Variants in PTPRD observed in about 807,000 individuals in gnomAD.
PTPRD encodes the protein receptor-type tyrosine-protein phosphatase delta.
Under a neutral mutation model 214.5 loss-of-function variants are expected in PTPRD, and 34 were observed. That is an observed-to-expected ratio of 0.16 (90% CI 0.12 to 0.21). The LOEUF (loss-of-function observed/expected upper bound fraction) is 0.21. Among genes scored for constraint, PTPRD ranks in the 10% least tolerant of loss-of-function variants. The probability of loss-of-function intolerance (pLI) is 1.00; values close to 1 mark genes in which losing one functional copy is unlikely to be tolerated. For synonymous variants in PTPRD, 1,128 were observed against 845.7 expected, an observed-to-expected ratio of 1.33 and a Z score of -5.79; for missense variants, 2,545 against 2,398.7, an observed-to-expected ratio of 1.06 and a Z score of -1.27.
intron 2 of PTPRD, among the ~76,000 whole-genome samples, chr9:10,590,702 T>C (rs1157846270): frequency 5.3e-5 from 8 of 151,942 alleles, no homozygotes; most frequent in Non-Finnish European, 1.2e-4. Flanking sequence ...TAATTGCTTA[T>C]TCATTCTCCA....
intron 10 of PTPRD, among the ~76,000 whole-genome samples, chr9:9,082,546 G>A (rs551619065): frequency 1.1e-3 from 168 of 152,228 alleles, no homozygotes; most frequent in Middle Eastern, 0.01. Flanking sequence ...TGGAAGTTCC[G>A]GCCAGGGAAA....
intron 37 of PTPRD, among the ~76,000 whole-genome samples, chr9:8,387,144 A>C (rs1037398556): frequency 6.6e-6 from 1 of 152,234 alleles, no homozygotes; most frequent in Non-Finnish European, 1.5e-5. Flanking sequence ...CATTTAACAA[A>C]GGAGAAAGCT....
At chr9:10,503,616 T>C (rs1197553477) in intron 2 of PTPRD, among the ~76,000 whole-genome samples, 1 of 152,052 alleles carries the variant, frequency 6.6e-6, no homozygotes, top group Non-Finnish European at 1.5e-5. Flanking sequence ...CAGGTACTAT[T>C]GGATATTGGA....
At chr9:8,781,509 G>A (rs761182397) in intron 11 of PTPRD, among the ~76,000 whole-genome samples, 1 of 152,162 alleles carries the variant, frequency 6.6e-6, no homozygotes, top group South Asian at 2.1e-4. Flanking sequence ...TTTAAAGTAA[G>A]AGTACAACTC....
At chr9:10,206,302 A>C (rs1426913021) in intron 3 of PTPRD, among the ~76,000 whole-genome samples, 1 of 152,154 alleles carries the variant, frequency 6.6e-6, no homozygotes, top group African/African-American at 2.4e-5. Context: ...CTAAACCATA[A>C]AGGGTTAGTG....
intron 14 of PTPRD, among the ~76,000 whole-genome samples, chr9:8,576,495 G>C (rs1008646957): frequency 6.6e-6 from 1 of 151,958 alleles, no homozygotes; most frequent in Admixed American, 6.6e-5. Context: ...TAAAACCAAA[G>C]TAAACAAAAT....
chr9:9,378,043 T>C (rs755492104), intron 9 of PTPRD, among the ~76,000 whole-genome samples: 2 of 152,080 alleles, frequency 1.3e-5, no homozygotes, highest in Non-Finnish European at 2.9e-5. Flanking sequence ...ACCAGACTGA[T>C]ATATTTGTTA....
chr9:8,771,977 A>C (rs146600401), intron 11 of PTPRD, among the ~76,000 whole-genome samples: 1 of 152,264 alleles, frequency 6.6e-6, no homozygotes, highest in East Asian at 1.9e-4. Flanking sequence ...ATAATTACTA[A>C]AAAAAGAATA....
Position 9,754,355 on chromosome 9 carries a change from T to C in PTPRD, c.-326+12455A>G, listed in dbSNP as rs534989899. ...CTTTTACTGGAAGAAATAAATGCAA[T>C]GGGATTTGTTGAGAAAACTACTGTT... On this transcript the variant is annotated intron_variant, in intron 6 of 45. Transcript: ENST00000381196. Among the ~76,000 whole-genome samples the C allele has an allele frequency of 6.6e-5, 10 of 152,060 alleles. 1 individual carries two copies. In the South Asian group the frequency reaches 1.5e-3, roughly 22 times the overall value.
At chr9:9,884,998 A>G (rs1033917476) in intron 5 of PTPRD, among the ~76,000 whole-genome samples, 3 of 152,264 alleles carry the variant, frequency 2.0e-5, no homozygotes, top group African/African-American at 7.2e-5. Context: ...TCAGAAAAGC[A>G]AAGAAAACGT....
intron 3 of PTPRD, among the ~76,000 whole-genome samples, chr9:10,159,686 C>T (rs1215962997): frequency 6.6e-6 from 1 of 151,132 alleles, no homozygotes; most frequent in Non-Finnish European, 1.5e-5. Context: ...AAACAGAAAT[C>T]TTGGAAGTGA....
chr9:9,359,486 C>G (rs2055165118), intron 9 of PTPRD, among the ~76,000 whole-genome samples: 2 of 151,176 alleles, frequency 1.3e-5, no homozygotes, highest in South Asian at 4.1e-4. Context: ...ACAGTGTTTG[C>G]AAACACATAG....
chr9:9,035,817 T>C (rs1590208294), intron 10 of PTPRD, among the ~76,000 whole-genome samples: 1 of 152,204 alleles, frequency 6.6e-6, no homozygotes, highest in East Asian at 1.9e-4. Context: ...GACAGTCTGG[T>C]TTAATGCTTA....
At chr9:10,227,245 G>A (rs1378757135) in intron 3 of PTPRD, among the ~76,000 whole-genome samples, 2 of 151,912 alleles carry the variant, frequency 1.3e-5, no homozygotes, top group African/African-American at 4.8e-5. Flanking sequence ...ATTGCATGTT[G>A]AAAATTACTC....
intron 25 of PTPRD, among the ~76,000 whole-genome samples, chr9:8,499,278 G>C (rs1242941996): frequency 6.6e-6 from 1 of 152,156 alleles, no homozygotes; most frequent in Admixed American, 6.5e-5. Flanking sequence ...AGTTGTTTTA[G>C]CACAGAAGAA....
intron 8 of PTPRD, among the ~76,000 whole-genome samples, chr9:9,423,536 T>A (rs1002366640): frequency 1.3e-5 from 2 of 152,110 alleles, no homozygotes; most frequent in Non-Finnish European, 2.9e-5. Context: ...TCACCAGGCA[T>A]ACAAAAAATG....
intron 11 of PTPRD, among the ~76,000 whole-genome samples, chr9:8,831,053 C>T (rs1156547210): frequency 1.3e-5 from 2 of 152,088 alleles, no homozygotes; most frequent in East Asian, 3.9e-4. Flanking sequence ...CTTAGAAAAT[C>T]TGTGGACTTA....
intron 10 of PTPRD, among the ~76,000 whole-genome samples, chr9:9,075,636 C>A (rs772289678): frequency 1.3e-5 from 2 of 152,058 alleles, no homozygotes; most frequent in Non-Finnish European, 2.9e-5. Flanking sequence ...GTTCAATTCC[C>A]ACCTGTGAGT....
intron 3 of PTPRD, among the ~76,000 whole-genome samples, chr9:10,257,075 G>A (rs1178065471): frequency 6.8e-6 from 1 of 146,878 alleles, no homozygotes; most frequent in African/African-American, 2.5e-5. Context: ...CCTAAGTACA[G>A]ACAAAAAATG....
Sources: gnomAD v4.1 joint callset for allele counts (sites outside exome capture counted in the v4.1 genomes callset) on GRCh38, gnomAD v4.1.1 for gene constraint, MANE v1.5 for transcripts, NCBI Gene and HGNC (gene_info 2026-07-23, HGNC 2026-07-21) for gene names.